SNRPN: variants seen among roughly 807,000 people sequenced by gnomAD.
SNRPN encodes small nuclear ribonucleoprotein-associated protein N.
A neutral mutation model predicts 25.2 loss-of-function variants in SNRPN; 7 were observed. The ratio of observed to expected loss-of-function variants is 0.28; its 90% confidence interval spans 0.16 to 0.52. The LOEUF (loss-of-function observed/expected upper bound fraction) is 0.52. Among genes scored for constraint, SNRPN ranks in the 20% least tolerant of loss-of-function variants. The pLI, the probability that SNRPN is intolerant of heterozygous loss-of-function variation, is 0.96. For missense variants in SNRPN, 196 were observed against 322.5 expected, an observed-to-expected ratio of 0.61 and a Z score of 3.00; for synonymous variants, 124 against 110.6, an observed-to-expected ratio of 1.12 and a Z score of -0.76.
At chr15:24,858,391 T>G (rs534503099) in intron 1 of SNRPN, among the ~76,000 whole-genome samples, 25 of 152,260 alleles carry the variant, frequency 1.6e-4, no homozygotes, top group African/African-American at 5.5e-4. Flanking sequence ...GTTATGATTT[T>G]TTGCAAAGAT....
chr15:24,930,618 G>T (rs1053909688), intron 3 of SNRPN, among the ~76,000 whole-genome samples: 4 of 150,126 alleles, frequency 2.7e-5, no homozygotes, highest in African/African-American at 9.7e-5. Context: ...AAGTCTGGGT[G>T]CAGTGGCTCA....
At chr15:24,946,104 G>A (rs1441011743) in intron 3 of SNRPN, among the ~76,000 whole-genome samples, 1 of 152,194 alleles carries the variant, frequency 6.6e-6, no homozygotes, top group Non-Finnish European at 1.5e-5. Flanking sequence ...ATAATGAAGA[G>A]GAGCAGCAAA....
chr15:24,864,183 C>T (rs1165066548), intron 1 of SNRPN, among the ~76,000 whole-genome samples: 1 of 143,270 alleles, frequency 7.0e-6, no homozygotes, highest in Non-Finnish European at 1.5e-5. Flanking sequence ...CCCACCACAA[C>T]GCCCGGCTAA....
At chr15:24,846,884 T>C (rs1261126141) in intron 2 of SNRPN, among the ~76,000 whole-genome samples, 1 of 152,126 alleles carries the variant, frequency 6.6e-6, no homozygotes, top group Non-Finnish European at 1.5e-5. Context: ...AAATGGGAAT[T>C]TGGGAGTCTT....
intron 3 of SNRPN, 61 bp downstream of exon 3, chr15:24,968,143 G>A: frequency 3.1e-6 from 3 of 981,576 alleles, no homozygotes; most frequent in Non-Finnish European, 4.8e-6. Context: ...GGTGTTGGGG[G>A]TTCTCTTAAT....
At chr15:24,943,055 A>G (rs1478428850) in intron 3 of SNRPN, among the ~76,000 whole-genome samples, 4 of 149,840 alleles carry the variant, frequency 2.7e-5, no homozygotes, top group African/African-American at 7.4e-5. Flanking sequence ...GCTGATTTAG[A>G]GGGGTCTATC....
chr15:24,868,664 C>G (rs574013301), intron 1 of SNRPN, among the ~76,000 whole-genome samples: 1 of 152,274 alleles, frequency 6.6e-6, no homozygotes, highest in African/African-American at 2.4e-5. Flanking sequence ...AACAGTTTCT[C>G]AGTGTTCAAT....
At chr15:24,969,330 T>C (rs1244034632) in intron 3 of SNRPN, among the ~76,000 whole-genome samples, 1 of 152,136 alleles carries the variant, frequency 6.6e-6, no homozygotes, top group Non-Finnish European at 1.5e-5. Flanking sequence ...GGTTTCACCA[T>C]GTTCTCCAGG....
At chr15:24,923,497 A>G (rs895154126) in intron 3 of SNRPN, among the ~76,000 whole-genome samples, 2 of 152,216 alleles carry the variant, frequency 1.3e-5, no homozygotes, top group African/African-American at 4.8e-5. Context: ...GGAAAAGTAC[A>G]TGCACAGTTG....
intron 2 of SNRPN, among the ~76,000 whole-genome samples, chr15:24,914,348 C>T (rs1156828655): frequency 1.3e-5 from 2 of 152,090 alleles, no homozygotes; most frequent in Admixed American, 6.6e-5. Context: ...CCAGGAAGTA[C>T]CTTTCAAAAG....
intron 2 of SNRPN, among the ~76,000 whole-genome samples, chr15:24,901,879 A>G (rs1566890363): frequency 6.6e-6 from 1 of 152,254 alleles, no homozygotes; most frequent in Non-Finnish European, 1.5e-5. Flanking sequence ...CGCACCAATT[A>G]CAAAGGAATC....
At chr15:24,954,326 G>T (rs1239837209), upstream of SNRPN, among the ~76,000 whole-genome samples, 1 of 152,028 alleles carries the variant, frequency 6.6e-6, no homozygotes, top group African/African-American at 2.4e-5. Context: ...TTAGGTGGGG[G>T]TCTAAGTTCA....
chr15:24,843,537 C>T (rs1204683059), intron 2 of SNRPN, among the ~76,000 whole-genome samples: 1 of 152,134 alleles, frequency 6.6e-6, no homozygotes, highest in Non-Finnish European at 1.5e-5. Context: ...AATCCCAGCA[C>T]TTTGGGAGGC....
chr15:24,847,796 A>G (rs942039733), intron 2 of SNRPN, among the ~76,000 whole-genome samples: 4 of 152,194 alleles, frequency 2.6e-5, no homozygotes, highest in African/African-American at 7.2e-5. Context: ...TAATTGATTT[A>G]CAAATACGGA....
chr15:24,862,614 A>G (rs1422044678), intron 1 of SNRPN, among the ~76,000 whole-genome samples: 1 of 151,088 alleles, frequency 6.6e-6, no homozygotes, highest in Non-Finnish European at 1.5e-5. Flanking sequence ...GGAACAACAT[A>G]GACAAAGTTT....
intron 1 of SNRPN, among the ~76,000 whole-genome samples, chr15:24,959,963 T>C (rs2074501688): frequency 6.6e-6 from 1 of 152,110 alleles, no homozygotes; most frequent in Non-Finnish European, 1.5e-5. Context: ...GCTGCAGGTA[T>C]AATAGAAAGA....
intron 2 of SNRPN, among the ~76,000 whole-genome samples, chr15:24,896,014 G>T (rs1001237528): frequency 6.6e-6 from 1 of 152,216 alleles, no homozygotes; most frequent in Admixed American, 6.5e-5. Flanking sequence ...AGCTATGAAA[G>T]GTTCATGTTG....
Position 24,880,167 on chromosome 15 carries a change from C to T in SNRPN, c.-578-6349C>T, listed in dbSNP as rs1263826110. On this transcript the variant is annotated intron_variant, in intron 1 of 11. Transcript: ENST00000400097. Reference sequence around the variant, plus strand: ...CGACTCCTGGCAGAGAAAGGTTTTCCCACTTTTCGTTTTTGTTCTTGTGAA... The same window carrying T: ...CGACTCCTGGCAGAGAAAGGTTTTCTCACTTTTCGTTTTTGTTCTTGTGAA... Among the ~76,000 whole-genome samples, 5 of 152,222 alleles carry T rather than the reference C, an allele frequency of 3.3e-5. No homozygotes were observed. In the East Asian group the frequency reaches 9.7e-4, roughly 29 times the overall value.
intron 2 of SNRPN, among the ~76,000 whole-genome samples, chr15:24,918,145 A>G (rs1375895289): frequency 6.6e-6 from 1 of 151,760 alleles, no homozygotes; most frequent in Non-Finnish European, 1.5e-5. Flanking sequence ...GCATATGTGT[A>G]TACTGAATTT....
Sources: gnomAD v4.1 joint callset for allele counts (sites outside exome capture counted in the v4.1 genomes callset) on GRCh38, gnomAD v4.1.1 for gene constraint, MANE v1.5 for transcripts, NCBI Gene and HGNC (gene_info 2026-07-23, HGNC 2026-07-21) for gene names.